The following CHRND variants were observed in gnomAD, a reference collection of about 807,000 sequenced individuals.
CHRND encodes cholinergic receptor nicotinic delta subunit, also known as acetylcholine receptor subunit delta.
A neutral mutation model predicts 57.8 loss-of-function variants in CHRND; 40 were observed. The observed-to-expected ratio is 0.69, with a 90% CI of 0.54 to 0.90. CHRND has a LOEUF of 0.90. Ranked by LOEUF, CHRND falls within the 40% of genes least tolerant of loss-of-function variation. CHRND has a pLI of 0.00. For synonymous variants in CHRND, 237 were observed against 270.6 expected (o/e 0.88, Z 1.22); for missense variants, 634 against 673.9 (o/e 0.94, Z 0.66).
At chr2:232,531,977 A>T (rs1166952190) in intron 9 of CHRND, among the ~76,000 whole-genome samples, 1 of 145,396 alleles carries the variant, frequency 6.9e-6, no homozygotes, top group Non-Finnish European at 1.5e-5. Flanking sequence ...AAAAAAAAGA[A>T]ATGAGCACTC....
In CHRND at chr2:232,528,406, AC is replaced by A. The variant is rs764573389; in HGVS notation, c.353+38del. 2.5e-6 allele frequency: 4 copies of A among 1,613,134 alleles called. No homozygotes were observed. In the South Asian group the frequency reaches 3.3e-5, roughly 13 times the overall value. On this transcript the variant is annotated intron_variant, in intron 4 of 11. Coordinates refer to ENST00000258385, the MANE Select transcript of CHRND (RefSeq NM_000751.3). ...AGCCCTCCCTGACCTCCCCTCTGTC[AC>A]CCTGCCTCCTTTCCTTAAGCCTCCT... is the stretch of plus-strand genomic sequence containing the variant.
chr2:232,536,035 T>C lies in CHRND; in HGVS notation c.*723T>C, dbSNP rs1400305895. 2.2e-6 allele frequency: 1 copy of C among 454,132 alleles called. No homozygotes were observed. The highest frequency in any genetic ancestry group is 1.6e-5 in the South Asian group (1 of 64,480). The allele number at this position is 454,132 out of a possible 1,614,324, so 28.1% of individuals were successfully genotyped here. A position where few individuals can be genotyped will look rare whatever the true frequency, so the allele number is the denominator to read the frequency against. ...GGGTTGTCATGCATTATTTGGGGCA[T>C]ACATATTCTAAAAAATCATTCGTTG... On this transcript the variant is annotated 3_prime_UTR_variant, in exon 12 of 12. Coordinates refer to ENST00000258385, the MANE Select transcript of CHRND (RefSeq NM_000751.3).
At position 232,529,995 on chromosome 2, in the gene CHRND, GCCCCTCT is replaced by G; in HGVS notation, c.677_683del (p.Ala226GlyfsTer98). The G allele has an allele frequency of 6.2e-7, 1 of 1,614,088 alleles. No homozygotes were observed. The highest frequency in any genetic ancestry group is 8.5e-7 in the Non-Finnish European group (1 of 1,180,032). ...GGCCAGGGTCAACGTGGACCCCAGA[GCCCCTCT>G]GGACAGCCCCAGCCGCCAGGACATC... is the stretch of plus-strand genomic sequence containing the variant. On this transcript the variant is annotated frameshift_variant, in exon 7 of 12. Transcript: ENST00000258385. LOFTEE classifies it high-confidence loss of function.
Position 232,528,125 on chromosome 2 carries a change from G to A in CHRND, c.244-137G>A, listed in dbSNP as rs892035541. ...AGCTGTCCATGACAGACCTGAATCC[G>A]CACTCTGTACCTGCCTTCCCCAAAC... is the stretch of plus-strand genomic sequence containing the variant. On this transcript the variant is annotated intron_variant, in intron 3 of 11. Transcript: ENST00000258385. The A allele has an allele frequency of 1.1e-4, 88 of 769,282 alleles. No individual in the cohort carries two copies. In the Admixed American group the frequency reaches 1.3e-3, roughly 11 times the overall value. 47.7% of individuals were successfully genotyped at this position (769,282 alleles called of 1,614,324 possible).
At chr2:232,526,296 G>T (rs753019300) in intron 1 of CHRND, 29 bp downstream of exon 1, 39 of 1,607,312 alleles carry the variant, frequency 2.4e-5, no homozygotes, top group Non-Finnish European at 3.3e-5. Context: ...CCCACCCTGG[G>T]GTCCCCCGTG....
At chr2:232,534,423 TC>T in intron 11 of CHRND, 81 bp downstream of exon 11, 2 of 1,393,992 alleles carry the variant, frequency 1.4e-6, no homozygotes, top group South Asian at 2.3e-5. Flanking sequence ...AGGGCAGGGT[TC>T]CCCTTAGAGG....
At position 232,528,900 on chromosome 2, in the gene CHRND, T is replaced by C; in HGVS notation, c.548T>C (p.Leu183Pro). 2.5e-6 allele frequency: 4 copies of C among 1,614,034 alleles called. No homozygotes were observed. Among genetic ancestry groups the C allele is most frequent in the Non-Finnish European group, 3.4e-6 (4 of 1,179,988 alleles). The change falls in exon 6 of 12, where the codon CTG (leucine) becomes CCG (proline). Residue 183 changes from leucine (L) to proline (P), a missense_variant. Physicochemically the swap from Leu to Pro is moderately conservative, Grantham distance 98. Transcript: ENST00000258385. ...KYTAKEITLS[L>P]KQDAKENRTY... The stretch of plus-strand genomic sequence containing the variant: ...ACGGCCAAAGAGATCACCCTGAGCC[T>C]GAAACAGGATGCCAAGGAGAACCGC...
chr2:232,536,041 T>C lies in CHRND; in HGVS notation c.*729T>C. 1 of 454,156 alleles carries C rather than the reference T, an allele frequency of 2.2e-6. No homozygotes were observed. The highest frequency in any genetic ancestry group is 4.4e-6 in the Non-Finnish European group (1 of 226,802). The allele number at this position is 454,156 out of a possible 1,614,324, so 28.1% of individuals were successfully genotyped here. ...TCATGCATTATTTGGGGCATACATA[T>C]TCTAAAAAATCATTCGTTGTTTCTC... is the stretch of plus-strand genomic sequence containing the variant. On this transcript the variant is annotated 3_prime_UTR_variant, in exon 12 of 12. Transcript: ENST00000258385.
intron 2 of CHRND, 86 bp downstream of exon 2, chr2:232,526,760 C>A (rs1020869491): frequency 1.0e-5 from 15 of 1,438,564 alleles, no homozygotes; most frequent in Non-Finnish European, 1.5e-5. Context: ...GCTAGAAGCC[C>A]CCACCTGGCC....
At chr2:232,533,080 G>A (rs1334840088) in intron 9 of CHRND, among the ~76,000 whole-genome samples, 1 of 152,162 alleles carries the variant, frequency 6.6e-6, no homozygotes, top group African/African-American at 2.4e-5. Flanking sequence ...GAGTGCAGTG[G>A]TTCGATCTCA....
In CHRND at chr2:232,527,459, T is replaced by G; in HGVS notation, c.243+14T>G. 3.1e-6 allele frequency: 5 copies of G among 1,609,540 alleles called. No individual in the cohort carries two copies. Among genetic ancestry groups the G allele is most frequent in the Non-Finnish European group, 4.2e-6 (5 of 1,176,476 alleles). Reference sequence around the variant, plus strand: ...TGGATAGAGCACGTAAGAATGCCCCTCCCAGCCGGGCGCAGTGGCTCATGC... The same window carrying G: ...TGGATAGAGCACGTAAGAATGCCCCGCCCAGCCGGGCGCAGTGGCTCATGC... On this transcript the variant is annotated intron_variant, in intron 3 of 11. Coordinates refer to ENST00000258385, the MANE Select transcript of CHRND (RefSeq NM_000751.3).
chr2:232,535,817 C>G lies in CHRND; in HGVS notation c.*505C>G, dbSNP rs1305242921. ...CCCTCCAGACCCCAGAGTATCCTTTCCTAGCTCTTTCTGCCTTGACCTCTC... is the reference window on the plus strand; with the variant it reads ...CCCTCCAGACCCCAGAGTATCCTTTGCTAGCTCTTTCTGCCTTGACCTCTC... On this transcript the variant is annotated 3_prime_UTR_variant, in exon 12 of 12. Transcript: ENST00000258385. 1.5e-5 allele frequency: 7 copies of G among 454,208 alleles called. No homozygotes were observed. The highest frequency in any genetic ancestry group is 2.6e-5 in the Non-Finnish European group (6 of 226,934). The allele number at this position is 454,208 out of a possible 1,614,324, so 28.1% of individuals were successfully genotyped here. A position where few individuals can be genotyped will look rare whatever the true frequency, so the allele number is the denominator to read the frequency against.
rs558754752 is a variant in CHRND at position 232,535,299 on chromosome 2, A to T, written c.1541A>T (p.Lys514Met). The T allele has an allele frequency of 6.2e-7, 1 of 1,613,768 alleles. No individual in the cohort carries two copies. Among genetic ancestry groups the T allele is most frequent in the South Asian group, 1.1e-5 (1 of 91,092 alleles). ...GDPYSYNVQD[K>M]RFI is the part of the protein sequence containing the mutation. ...CCCTACTCCTACAACGTGCAGGACAAGCGCTTCATCTAGGGTGGGCCTGTT... is the reference window on the plus strand; with the variant it reads ...CCCTACTCCTACAACGTGCAGGACATGCGCTTCATCTAGGGTGGGCCTGTT... The change falls in exon 12 of 12, where the codon AAG becomes ATG. Residue 514 changes from lysine to methionine, a missense_variant. Physicochemically the swap from Lys to Met is moderately conservative, Grantham distance 95. Coordinates refer to ENST00000258385, the MANE Select transcript of CHRND (RefSeq NM_000751.3).
At chr2:232,529,296 C>G (rs2106209320) in intron 6 of CHRND, among the ~76,000 whole-genome samples, 1 of 152,298 alleles carries the variant, frequency 6.6e-6, no homozygotes, top group Middle Eastern at 3.4e-3. Context: ...TTTAGTCTTT[C>G]CTGTGCCTGG....
At position 232,536,058 on chromosome 2, in the gene CHRND, T is replaced by C. The variant is rs1270317705; in HGVS notation, c.*746T>C. On this transcript the variant is annotated 3_prime_UTR_variant, in exon 12 of 12. Transcript: ENST00000258385. ...CATACATATTCTAAAAAATCATTCGTTGTTTCTCTGAAATTTGTCCCCTAT... is the reference window on the plus strand; with the variant it reads ...CATACATATTCTAAAAAATCATTCGCTGTTTCTCTGAAATTTGTCCCCTAT... 1 of 454,148 alleles carries C rather than the reference T, an allele frequency of 2.2e-6. No homozygotes were observed. Among genetic ancestry groups the C allele is most frequent in the South Asian group, 1.6e-5 (1 of 64,478 alleles). 28.1% of individuals were successfully genotyped at this position (454,148 alleles called of 1,614,324 possible).
rs749225405 is a variant in CHRND at position 232,527,471 on chromosome 2, G to A, written c.243+26G>A. The A allele has an allele frequency of 1.3e-5, 20 of 1,596,786 alleles. No individual in the cohort carries two copies. The African/African-American group carries it at 1.3e-4, about 11-fold the overall frequency. ...GTAAGAATGCCCCTCCCAGCCGGGC[G>A]CAGTGGCTCATGCCTGTAATCCCAG... On this transcript the variant is annotated intron_variant, in intron 3 of 11. Transcript: ENST00000258385.
chr2:232,526,695 G>C, intron 2 of CHRND, 21 bp downstream of exon 2: 2 of 1,612,136 alleles, frequency 1.2e-6, no homozygotes, highest in Non-Finnish European at 8.5e-7. Context: ...CTCCGGTGCT[G>C]GGTTGGGAGG....
chr2:232,531,718 G>A, intron 9 of CHRND, 62 bp downstream of exon 9: 1 of 1,414,840 alleles, frequency 7.1e-7, no homozygotes, highest in Non-Finnish European at 9.9e-7. Context: ...GGAGGCTGAG[G>A]CGGGAGAATC....
At chr2:232,530,655 A>C (rs950527165) in intron 7 of CHRND, among the ~76,000 whole-genome samples, 3 of 152,172 alleles carry the variant, frequency 2.0e-5, no homozygotes, top group Non-Finnish European at 4.4e-5. Flanking sequence ...CCCCGGCAGG[A>C]CTTGAGGAGG....
Sources: gnomAD v4.1 joint callset for allele counts (sites outside exome capture counted in the v4.1 genomes callset) on GRCh38, gnomAD v4.1.1 for gene constraint, MANE v1.5 for transcripts, NCBI Gene and HGNC (gene_info 2026-07-23, HGNC 2026-07-21) for gene names.